Variants in MACROD1 observed in about 807,000 individuals in gnomAD.
MACROD1 encodes the protein mono-ADP ribosylhydrolase 1.
MACROD1 carries 31 observed loss-of-function variants against 41.4 expected under a neutral mutation model. That is an observed-to-expected ratio of 0.75 (90% CI 0.56 to 1.01). MACROD1 has a LOEUF of 1.01. Among genes scored for constraint, MACROD1 ranks in the 50% least tolerant of loss-of-function variants. The pLI, the probability that MACROD1 is intolerant of heterozygous loss-of-function variation, is 0.00. For missense variants in MACROD1, 473 were observed against 460.0 expected, an observed-to-expected ratio of 1.03 and a Z score of -0.26; for synonymous variants, 252 against 203.4, an observed-to-expected ratio of 1.24 and a Z score of -2.03.
intron 3 of MACROD1, among the ~76,000 whole-genome samples, chr11:64,032,632 C>A (rs1943309237): frequency 6.6e-6 from 1 of 152,108 alleles, no homozygotes; most frequent in African/African-American, 2.4e-5. Flanking sequence ...CTTGAGCTGC[C>A]CTTGCGGCTG....
chr11:64,165,764 A>T lies in MACROD1; in HGVS notation c.231T>A (p.Thr77=), dbSNP rs1389263541. The part of the protein sequence containing the change: ...AAVGRTAGVR[T]WAPLAMAAKV... ...TCGCCGCCATGGCCAGGGGGGCCCA[A>T]GTGCGCACCCCGGCTGTCCGCCCCA... Residue 77 remains threonine (T), a synonymous_variant, in exon 1 of 11, where the codon ACT becomes ACA. Coordinates refer to ENST00000255681, the MANE Select transcript of MACROD1 (RefSeq NM_014067.4). The T allele has an allele frequency of 1.3e-6, 2 of 1,498,950 alleles. No individual in the cohort carries two copies. Among genetic ancestry groups the T allele is most frequent in the Admixed American group, 2.4e-5 (1 of 40,824 alleles). The allele number at this position is 1,498,950 out of a possible 1,614,324, so 92.9% of individuals were successfully genotyped here. A position where few individuals can be genotyped will look rare whatever the true frequency, so the allele number is the denominator to read the frequency against.
chr11:64,018,528 T>C (rs1270327736), intron 3 of MACROD1, among the ~76,000 whole-genome samples: 1 of 152,066 alleles, frequency 6.6e-6, no homozygotes, highest in Admixed American at 6.5e-5. Flanking sequence ...CTTCTGGGTG[T>C]GGCCACCCAG....
chr11:64,142,269 C>T (rs1284345138), intron 3 of MACROD1, among the ~76,000 whole-genome samples: 1 of 152,132 alleles, frequency 6.6e-6, no homozygotes, highest in Non-Finnish European at 1.5e-5. Flanking sequence ...GTGGCTCACA[C>T]CTGTAATCCG....
chr11:64,104,702 AG>A (rs1168393361), intron 3 of MACROD1, among the ~76,000 whole-genome samples: 2 of 152,164 alleles, frequency 1.3e-5, no homozygotes, highest in Admixed American at 1.3e-4. Context: ...CTACTGCCCA[AG>A]GTCCTGCTCC....
At chr11:64,097,939 A>AGG (rs1454606907) in intron 3 of MACROD1, among the ~76,000 whole-genome samples, 1 of 152,054 alleles carries the variant, frequency 6.6e-6, no homozygotes, top group Admixed American at 6.5e-5. Context: ...GAGGAGAAGG[A>AGG]GGCGGGAACC....
chr11:64,147,746 T>C (rs1281357248), intron 3 of MACROD1, among the ~76,000 whole-genome samples: 2 of 148,942 alleles, frequency 1.3e-5, no homozygotes, highest in Non-Finnish European at 1.5e-5. Flanking sequence ...TTCTATTATA[T>C]ATATATATAT....
chr11:64,134,375 G>A (rs1945304648), intron 3 of MACROD1, among the ~76,000 whole-genome samples: 1 of 152,208 alleles, frequency 6.6e-6, no homozygotes, highest in Non-Finnish European at 1.5e-5. Context: ...GCCAGGCCCA[G>A]AGAAACCCCA....
intron 3 of MACROD1, among the ~76,000 whole-genome samples, chr11:64,048,185 A>G (rs963134255): frequency 6.6e-6 from 1 of 152,204 alleles, no homozygotes; most frequent in African/African-American, 2.4e-5. Flanking sequence ...CCTCTCAGAC[A>G]GACAGGGCTT....
intron 3 of MACROD1, among the ~76,000 whole-genome samples, chr11:64,060,965 G>C (rs1251085591): frequency 3.9e-5 from 6 of 151,940 alleles, no homozygotes; most frequent in African/African-American, 1.2e-4. Flanking sequence ...GGGGCTCCCG[G>C]GCCGCCAGGC....
chr11:63,998,745 C>G, intron 10 of MACROD1, 58 bp from the exon 11 acceptor site: 4 of 1,419,556 alleles, frequency 2.8e-6, no homozygotes, highest in Non-Finnish European at 2.8e-6. Flanking sequence ...CCAGGCTGCC[C>G]CGTGGTTTCC....
At chr11:64,088,343 A>T (rs746925096) in intron 3 of MACROD1, among the ~76,000 whole-genome samples, 1 of 151,986 alleles carries the variant, frequency 6.6e-6, no homozygotes, top group Non-Finnish European at 1.5e-5. Context: ...GGCAGCATAG[A>T]CCAGGGGGCA....
intron 3 of MACROD1, among the ~76,000 whole-genome samples, chr11:64,101,526 C>T (rs563325681): frequency 2.6e-4 from 40 of 152,304 alleles, no homozygotes; most frequent in Non-Finnish European, 5.1e-4. Flanking sequence ...GCCCGCTGCC[C>T]CTGCCCCACC....
At chr11:64,130,964 C>A (rs1945257195) in intron 3 of MACROD1, among the ~76,000 whole-genome samples, 1 of 152,242 alleles carries the variant, frequency 6.6e-6, no homozygotes, top group South Asian at 2.1e-4. Context: ...GCCGGCCCGG[C>A]GAGGAAGCAC....
In MACROD1 at chr11:64,010,387, G is replaced by T. The variant is rs1172469794; in HGVS notation, c.547+4865C>A. On this transcript the variant is annotated intron_variant, in intron 4 of 10. Transcript: ENST00000255681. ...AGTGTTGGCTGGGATGTTGGCTGGG[G>T]TGTTGACCGGGGTGTTGGCTGGAGT... Among the ~76,000 whole-genome samples, 11 of 147,396 alleles carry T rather than the reference G, an allele frequency of 7.5e-5. No individual in the cohort carries two copies. The Admixed American group carries it at 7.5e-4, about 10-fold the overall frequency.
intron 3 of MACROD1, among the ~76,000 whole-genome samples, chr11:64,074,557 T>C (rs1944167682): frequency 6.6e-6 from 1 of 152,156 alleles, no homozygotes; most frequent in South Asian, 2.1e-4. Context: ...GAGAAGCAAT[T>C]CCGATGTCAC....
intron 3 of MACROD1, among the ~76,000 whole-genome samples, chr11:64,069,226 G>A (rs1242339468): frequency 2.6e-5 from 4 of 152,300 alleles, no homozygotes; most frequent in East Asian, 3.9e-4. Flanking sequence ...CGAGGTGGGC[G>A]CCTTCACCTG....
chr11:64,137,691 A>C (rs890537729), intron 3 of MACROD1, among the ~76,000 whole-genome samples: 2 of 152,134 alleles, frequency 1.3e-5, no homozygotes, highest in African/African-American at 4.8e-5. Context: ...GTTCCTCGGA[A>C]GGCCACACAC....
chr11:64,125,365 G>A (rs1296833290), intron 3 of MACROD1, among the ~76,000 whole-genome samples: 1 of 152,204 alleles, frequency 6.6e-6, no homozygotes, highest in Admixed American at 6.5e-5. Flanking sequence ...GATAGTCAGA[G>A]TCAGCACCTT....
At chr11:64,038,776 G>A in intron 3 of MACROD1, among the ~76,000 whole-genome samples, 1 of 152,294 alleles carries the variant, frequency 6.6e-6, no homozygotes, top group Non-Finnish European at 1.5e-5. Flanking sequence ...CATCCCTGTT[G>A]ATTGTGTTCC....
Sources: gnomAD v4.1 joint callset for allele counts (sites outside exome capture counted in the v4.1 genomes callset) on GRCh38, gnomAD v4.1.1 for gene constraint, MANE v1.5 for transcripts, NCBI Gene and HGNC (gene_info 2026-07-23, HGNC 2026-07-21) for gene names.